NME7: variants seen among roughly 807,000 people sequenced by gnomAD.
NME7 encodes NME/NM23 family member 7, also known as nucleoside diphosphate kinase 7.
A neutral mutation model predicts 49.1 loss-of-function variants in NME7; 41 were observed. The observed-to-expected ratio is 0.83, with a 90% CI of 0.65 to 1.08. The LOEUF (loss-of-function observed/expected upper bound fraction) is 1.08. Ranked by LOEUF, NME7 falls within the 50% of genes least tolerant of loss-of-function variation. NME7 has a pLI of 0.00. For synonymous variants in NME7, 139 were observed against 150.6 expected, an observed-to-expected ratio of 0.92 and a Z score of 0.56; for missense variants, 423 against 463.4, an observed-to-expected ratio of 0.91 and a Z score of 0.80.
Position 169,266,146 on chromosome 1 carries a change from CAG to C in NME7, c.754+21155_754+21156del, listed in dbSNP as rs989102746. ...TCATCATCCTGATACCAAAATATGACAGAGACACAACAAAAAAAGAAAACTTC... is the reference window on the plus strand; with the variant it reads ...TCATCATCCTGATACCAAAATATGACAGACACAACAAAAAAAGAAAACTTC... On this transcript the variant is annotated intron_variant, in intron 7 of 11. Transcript: ENST00000367811. Among the ~76,000 whole-genome samples the C allele has an allele frequency of 7.5e-5, 10 of 132,498 alleles. 1 individual carries two copies. The highest frequency in any genetic ancestry group is 2.5e-4 in the African/African-American group (10 of 39,236). The allele number at this position is 132,498 out of a possible 152,430, so 86.9% of individuals were successfully genotyped here. A position where few individuals can be genotyped will look rare whatever the true frequency, so the allele number is the denominator to read the frequency against.
At chr1:169,146,245 C>T (rs1658746306) in intron 11 of NME7, among the ~76,000 whole-genome samples, 1 of 152,106 alleles carries the variant, frequency 6.6e-6, no homozygotes, top group Admixed American at 6.6e-5. Flanking sequence ...ATAATAAATA[C>T]ATCTGTGGTT....
chr1:169,349,290 T>G (rs926741749), intron 1 of NME7, among the ~76,000 whole-genome samples: 1 of 152,200 alleles, frequency 6.6e-6, no homozygotes, highest in Non-Finnish European at 1.5e-5. Flanking sequence ...AAAGGATAGC[T>G]TGTGCCAGGT....
intron 3 of NME7, among the ~76,000 whole-genome samples, chr1:169,314,929 A>G (rs1313626525): frequency 6.6e-6 from 1 of 152,180 alleles, no homozygotes; most frequent in Non-Finnish European, 1.5e-5. Context: ...AGTACAGTTT[A>G]AAGTAAAAGG....
At chr1:169,366,225 C>T (rs1653846131) in intron 1 of NME7, among the ~76,000 whole-genome samples, 1 of 152,142 alleles carries the variant, frequency 6.6e-6, no homozygotes, top group African/African-American at 2.4e-5. Flanking sequence ...TGACTATGAA[C>T]CTCAGTTGTC....
chr1:169,197,868 C>A (rs192231014), intron 10 of NME7, among the ~76,000 whole-genome samples: 38 of 152,090 alleles, frequency 2.5e-4, no homozygotes, highest in Non-Finnish European at 4.6e-4. Context: ...ATAAATTAGA[C>A]TTAATCTAAG....
chr1:169,255,725 C>T (rs1283611436), intron 7 of NME7, among the ~76,000 whole-genome samples: 3 of 127,676 alleles, frequency 2.3e-5, no homozygotes, highest in African/African-American at 5.3e-5. Flanking sequence ...CCATGTTTAG[C>T]GCTTCCTTCA....
intron 7 of NME7, among the ~76,000 whole-genome samples, chr1:169,282,746 T>C (rs934583338): frequency 1.3e-5 from 2 of 152,200 alleles, no homozygotes; most frequent in African/African-American, 4.8e-5. Flanking sequence ...AGTTTCCATG[T>C]ATTTTGTGCA....
chr1:169,141,875 C>T (rs1023918648), intron 11 of NME7, among the ~76,000 whole-genome samples: 4 of 151,820 alleles, frequency 2.6e-5, no homozygotes, highest in Admixed American at 2.6e-4. Context: ...GACTTTGTCA[C>T]TTAAAATTGG....
At chr1:169,154,002 G>A (rs1658991395) in intron 11 of NME7, among the ~76,000 whole-genome samples, 2 of 151,798 alleles carry the variant, frequency 1.3e-5, no homozygotes, top group Non-Finnish European at 2.9e-5. Flanking sequence ...ATTGTGCCCA[G>A]TCAAATAGGG....
At chr1:169,316,208 T>C (rs1377536352) in intron 3 of NME7, among the ~76,000 whole-genome samples, 4 of 148,620 alleles carry the variant, frequency 2.7e-5, no homozygotes, top group African/African-American at 5.0e-5. Context: ...TAAAAGAATG[T>C]CTAACATGCA....
At chr1:169,334,513 C>T (rs573680018) in intron 1 of NME7, among the ~76,000 whole-genome samples, 6 of 152,112 alleles carry the variant, frequency 3.9e-5, no homozygotes, top group Non-Finnish European at 7.4e-5. Context: ...TAGCCATATG[C>T]AGAAAAATGA....
intron 1 of NME7, among the ~76,000 whole-genome samples, chr1:169,352,462 C>T (rs565060842): frequency 4.6e-5 from 7 of 152,218 alleles, no homozygotes; most frequent in Admixed American, 4.6e-4. Flanking sequence ...GACAGCCCCA[C>T]AGCTAGTATC....
chr1:169,189,654 A>T (rs1660161436), intron 10 of NME7, among the ~76,000 whole-genome samples: 1 of 152,124 alleles, frequency 6.6e-6, no homozygotes, highest in Admixed American at 6.6e-5. Context: ...GATTGGCCTG[A>T]CTCTGAGTAC....
intron 11 of NME7, among the ~76,000 whole-genome samples, chr1:169,140,676 T>C (rs1658565115): frequency 6.6e-6 from 1 of 151,360 alleles, no homozygotes; most frequent in South Asian, 2.1e-4. Flanking sequence ...TAGAAATTCA[T>C]TTTGTGGCTC....
intron 11 of NME7, among the ~76,000 whole-genome samples, chr1:169,152,477 C>A (rs1350556198): frequency 6.6e-6 from 1 of 152,126 alleles, no homozygotes; most frequent in Non-Finnish European, 1.5e-5. Context: ...GTACTTAACC[C>A]AGTCTGGGCA....
intron 10 of NME7, among the ~76,000 whole-genome samples, chr1:169,218,428 AT>A (rs1161628722): frequency 1.3e-5 from 2 of 152,026 alleles, no homozygotes; most frequent in Non-Finnish European, 2.9e-5. Context: ...TCTACAAAAT[AT>A]TTTAAAACTT....
chr1:169,198,455 C>G (rs933199323), intron 10 of NME7, among the ~76,000 whole-genome samples: 1 of 152,018 alleles, frequency 6.6e-6, no homozygotes, highest in African/African-American at 2.4e-5. Context: ...TAGAAACAAC[C>G]CAAACGTCTA....
At chr1:169,353,751 A>G (rs899255698) in intron 1 of NME7, among the ~76,000 whole-genome samples, 2 of 152,196 alleles carry the variant, frequency 1.3e-5, no homozygotes, top group Non-Finnish European at 1.5e-5. Context: ...AAATCTCAAT[A>G]TACGTTTCTC....
intron 11 of NME7, among the ~76,000 whole-genome samples, chr1:169,136,586 A>G (rs955948359): frequency 6.6e-6 from 1 of 152,190 alleles, no homozygotes; most frequent in African/African-American, 2.4e-5. Context: ...AACGTCTTAC[A>G]TGGTCTAAAC....
Sources: gnomAD v4.1 joint callset for allele counts (sites outside exome capture counted in the v4.1 genomes callset) on GRCh38, gnomAD v4.1.1 for gene constraint, MANE v1.5 for transcripts, NCBI Gene and HGNC (gene_info 2026-07-23, HGNC 2026-07-21) for gene names.